KLHL1: variants seen among roughly 807,000 people sequenced by gnomAD.
KLHL1 encodes the protein kelch-like protein 1.
A neutral mutation model predicts 77.7 loss-of-function variants in KLHL1; 47 were observed. The observed-to-expected ratio is 0.60, with a 90% CI of 0.48 to 0.77. The LOEUF (loss-of-function observed/expected upper bound fraction) is 0.77. Ranked by LOEUF, KLHL1 falls within the 30% of genes least tolerant of loss-of-function variation. The pLI, the probability that KLHL1 is intolerant of heterozygous loss-of-function variation, is 0.00. For synonymous variants in KLHL1, 360 were observed against 325.2 expected (o/e 1.11, Z -1.15); for missense variants, 925 against 910.8 (o/e 1.02, Z -0.20).
chr13:70,036,642 G>C lies in KLHL1; in HGVS notation c.498-60840C>G, dbSNP rs76287739. On this transcript the variant is annotated intron_variant, in intron 1 of 10. Transcript: ENST00000377844. Reference sequence around the variant, plus strand: ...ACTCAATGTGATTTTTGAGTTTAATGAATGTTGATGTATGTGTAGCAGTAG... The same window carrying C: ...ACTCAATGTGATTTTTGAGTTTAATCAATGTTGATGTATGTGTAGCAGTAG... 8.6e-3 allele frequency among the ~76,000 whole-genome samples: 1,309 copies of C among 151,924 alleles called. 34 individuals are homozygous for C. The highest frequency in any genetic ancestry group is 0.03 in the African/African-American group (1,233 of 41,510).
intron 3 of KLHL1, among the ~76,000 whole-genome samples, chr13:69,951,416 T>C (rs913609312): frequency 1.3e-5 from 2 of 151,542 alleles, no homozygotes; most frequent in Non-Finnish European, 3.0e-5. Context: ...TTTCGCAAGT[T>C]AGTAGGAACA....
At chr13:69,950,631 T>A (rs1031253327) in intron 3 of KLHL1, among the ~76,000 whole-genome samples, 2 of 151,720 alleles carry the variant, frequency 1.3e-5, no homozygotes, top group Non-Finnish European at 3.0e-5. Flanking sequence ...TTAAGTAACA[T>A]AATTTGTCTA....
At chr13:69,894,887 C>T in intron 4 of KLHL1, 1 of 318,764 alleles carries the variant, frequency 3.1e-6, no homozygotes, top group Non-Finnish European at 6.1e-6. Flanking sequence ...ACTAGCACCT[C>T]TATCATGGCA....
intron 10 of KLHL1, 132 bp from the exon 11 acceptor site, chr13:69,701,893 C>G (rs1029606757): frequency 1.7e-6 from 1 of 580,124 alleles, no homozygotes; most frequent in Non-Finnish European, 2.8e-6. Context: ...AGAAGTAGTA[C>G]AGTAAAAATG....
chr13:69,838,819 G>A (rs1007828567), intron 6 of KLHL1, among the ~76,000 whole-genome samples, 157 bp downstream of exon 6: 1 of 151,870 alleles, frequency 6.6e-6, no homozygotes, highest in Non-Finnish European at 1.5e-5. Flanking sequence ...GCAGACAGCA[G>A]CTACAATTAA....
At chr13:69,892,840 G>T (rs939214351) in intron 4 of KLHL1, among the ~76,000 whole-genome samples, 1 of 152,140 alleles carries the variant, frequency 6.6e-6, no homozygotes, top group Admixed American at 6.5e-5. Flanking sequence ...GACAACATTA[G>T]CATTATTCAA....
intron 4 of KLHL1, among the ~76,000 whole-genome samples, chr13:69,905,424 A>G (rs1438464303): frequency 6.6e-6 from 1 of 152,094 alleles, no homozygotes; most frequent in Non-Finnish European, 1.5e-5. Flanking sequence ...GGCATTAGTT[A>G]CATATCCCTT....
intron 6 of KLHL1, among the ~76,000 whole-genome samples, chr13:69,816,231 T>A (rs953974116): frequency 4.0e-5 from 6 of 151,792 alleles, no homozygotes; most frequent in African/African-American, 1.2e-4. Context: ...GCAATTAATA[T>A]ATAGTAAATT....
At chr13:69,981,062 G>T (rs971538326) in intron 1 of KLHL1, among the ~76,000 whole-genome samples, 4 of 152,124 alleles carry the variant, frequency 2.6e-5, no homozygotes, top group Non-Finnish European at 5.9e-5. Context: ...CTGGCACACA[G>T]ATTTAGTAAA....
chr13:70,012,049 A>G (rs1370413323), intron 1 of KLHL1, among the ~76,000 whole-genome samples: 1 of 152,094 alleles, frequency 6.6e-6, no homozygotes, highest in Non-Finnish European at 1.5e-5. Flanking sequence ...CATGAGACCT[A>G]TTCACTATCA....
chr13:69,938,801 A>G (rs953601794), intron 4 of KLHL1, among the ~76,000 whole-genome samples: 3 of 152,138 alleles, frequency 2.0e-5, no homozygotes, highest in African/African-American at 7.2e-5. Context: ...TTTTATTTCT[A>G]TATTTTCATT....
chr13:70,035,182 T>G (rs916708679), intron 1 of KLHL1, among the ~76,000 whole-genome samples: 7 of 152,072 alleles, frequency 4.6e-5, no homozygotes, highest in African/African-American at 1.7e-4. Flanking sequence ...AGAGCCAAAA[T>G]TTGGAAGCAA....
Position 69,837,642 on chromosome 13 carries a change from ATGTG to A in KLHL1, c.1414+1330_1414+1333del, listed in dbSNP as rs1299211389. ...TATATATGTGTGTGTATATATATAT[ATGTG>A]TATATATATATGTGTGTGTGTGTGT... On this transcript the variant is annotated intron_variant, in intron 6 of 10. Coordinates refer to ENST00000377844, the MANE Select transcript of KLHL1 (RefSeq NM_020866.3). Among the ~76,000 whole-genome samples, 290 of 134,914 alleles carry A rather than the reference ATGTG, an allele frequency of 2.1e-3. 5 individuals are homozygous for A. The highest frequency in any genetic ancestry group is 8.2e-3 in the African/African-American group (266 of 32,448). 88.5% of individuals were successfully genotyped at this position (134,914 alleles called of 152,430 possible). A position where few individuals can be genotyped will look rare whatever the true frequency, so the allele number is the denominator to read the frequency against.
intron 3 of KLHL1, among the ~76,000 whole-genome samples, chr13:69,949,117 G>C (rs56378647): frequency 0.066 from 10,068 of 151,576 alleles, 426 homozygotes; most frequent in African/African-American, 0.13. Flanking sequence ...TCTTACATTC[G>C]TATGATATAC....
chr13:70,098,955 T>C (rs1887857294), intron 1 of KLHL1, among the ~76,000 whole-genome samples: 1 of 151,886 alleles, frequency 6.6e-6, no homozygotes. Context: ...TTACATGCTT[T>C]ATACTTAGTC....
chr13:69,905,466 A>G (rs1351482198), intron 4 of KLHL1, among the ~76,000 whole-genome samples: 1 of 152,032 alleles, frequency 6.6e-6, no homozygotes, highest in East Asian at 1.9e-4. Flanking sequence ...TAATATGACA[A>G]TTGCCCCTTT....
intron 4 of KLHL1, among the ~76,000 whole-genome samples, chr13:69,903,161 C>CTT (rs1335835060): frequency 6.6e-6 from 1 of 152,110 alleles, no homozygotes; most frequent in South Asian, 2.1e-4. Flanking sequence ...GTCATGTACT[C>CTT]TAAGTTCTCA....
intron 7 of KLHL1, among the ~76,000 whole-genome samples, chr13:69,751,104 A>ATGTGTG (rs1491226199): frequency 8.0e-6 from 1 of 124,700 alleles, no homozygotes; most frequent in Non-Finnish European, 1.6e-5. Flanking sequence ...CATTCATGTC[A>ATGTGTG]TGTGTGTATG....
intron 2 of KLHL1, among the ~76,000 whole-genome samples, chr13:69,970,903 C>G (rs1884364039): frequency 6.6e-6 from 1 of 152,110 alleles, no homozygotes; most frequent in Non-Finnish European, 1.5e-5. Context: ...AAATACTGCT[C>G]AGTTCATCCT....
Sources: allele counts gnomAD v4.1 joint callset (sites outside exome capture counted in the v4.1 genomes callset), GRCh38; gene constraint gnomAD v4.1.1; transcripts MANE v1.5; gene names NCBI Gene and HGNC (gene_info 2026-07-23, HGNC 2026-07-21).